The following KAT6A variants were observed in gnomAD, a reference collection of about 807,000 sequenced individuals.
KAT6A encodes the protein histone acetyltransferase KAT6A.
A neutral mutation model predicts 198.4 loss-of-function variants in KAT6A; 9 were observed. The ratio of observed to expected loss-of-function variants is 0.05; its 90% CI spans 0.03 to 0.08. The LOEUF (loss-of-function observed/expected upper bound fraction) is 0.08, where lower values mean the gene tolerates loss of function less well. Ranked by LOEUF, KAT6A falls within the 10% of genes least tolerant of loss-of-function variation. The probability of loss-of-function intolerance (pLI) is 1.00; values close to 1 mark genes in which losing one functional copy is unlikely to be tolerated. For missense variants in KAT6A, 2,077 were observed against 2,509.9 expected, an observed-to-expected ratio of 0.83 and a Z score of 3.69; for synonymous variants, 890 against 883.0, an observed-to-expected ratio of 1.01 and a Z score of -0.14.
intron 2 of KAT6A, among the ~76,000 whole-genome samples, chr8:42,002,469 G>A (rs1375770216): frequency 6.6e-6 from 1 of 152,164 alleles, no homozygotes; most frequent in Non-Finnish European, 1.5e-5. Flanking sequence ...GCTGAAGCAC[G>A]AGTATCACTT....
At chr8:42,035,267 C>A (rs1446612627) in intron 2 of KAT6A, among the ~76,000 whole-genome samples, 3 of 152,184 alleles carry the variant, frequency 2.0e-5, no homozygotes, top group Admixed American at 2.0e-4. Context: ...ATGGCAATGG[C>A]TCTTACCACT....
intron 7 of KAT6A, 40 bp from the exon 8 acceptor site, chr8:41,974,862 G>C (rs749298327): frequency 4.0e-5 from 51 of 1,263,804 alleles, no homozygotes; most frequent in Non-Finnish European, 5.1e-5. Context: ...ACTGTCCCCA[G>C]ATTAATACAT....
chr8:42,030,775 A>G (rs1026230606), intron 2 of KAT6A, among the ~76,000 whole-genome samples: 1 of 151,840 alleles, frequency 6.6e-6, no homozygotes, highest in African/African-American at 2.4e-5. Flanking sequence ...ACAGGGTTTC[A>G]CCATGTTGGT....
At chr8:41,962,633 G>C (rs1407518148) in intron 8 of KAT6A, among the ~76,000 whole-genome samples, 1 of 151,700 alleles carries the variant, frequency 6.6e-6, no homozygotes, top group African/African-American at 2.4e-5. Flanking sequence ...ACAGGAGCCA[G>C]AGAAATCCTG....
chr8:41,993,284 A>AAATT (rs1554691099), intron 2 of KAT6A, among the ~76,000 whole-genome samples: 1 of 152,218 alleles, frequency 6.6e-6, no homozygotes, highest in Non-Finnish European at 1.5e-5. Context: ...CACTTATCAA[A>AAATT]TAATCCCAGT....
At chr8:41,965,156 A>C (rs1823406219) in intron 8 of KAT6A, among the ~76,000 whole-genome samples, 1 of 152,222 alleles carries the variant, frequency 6.6e-6, no homozygotes, top group South Asian at 2.1e-4. Context: ...TAATGGAAAC[A>C]GGTACACATC....
At chr8:42,008,179 C>T (rs1482028989) in intron 2 of KAT6A, among the ~76,000 whole-genome samples, 3 of 151,976 alleles carry the variant, frequency 2.0e-5, no homozygotes, top group African/African-American at 7.3e-5. Context: ...CTGATATATA[C>T]AGAGCCAGAG....
In KAT6A at chr8:41,978,752, T is replaced by C. The variant is rs1430411337; in HGVS notation, c.933A>G (p.Arg311=). 2 of 1,613,906 alleles carry C rather than the reference T, an allele frequency of 1.2e-6. No individual in the cohort carries two copies. Among genetic ancestry groups the C allele is most frequent in the East Asian group, 4.5e-5 (2 of 44,862 alleles). ...PKGMWICQIC[R]PRKKGRKLLQ... ...GAAGTTTTCGTCCTTTTTTCCTAGGTCGACATATTTGACATATCCACATGC... is the reference window on the plus strand; with the variant it reads ...GAAGTTTTCGTCCTTTTTTCCTAGGCCGACATATTTGACATATCCACATGC... Residue 311 remains arginine, a synonymous_variant, in exon 6 of 17, where the codon CGA becomes CGG. Coordinates refer to ENST00000265713, the MANE Select transcript of KAT6A (RefSeq NM_006766.5).
intron 2 of KAT6A, among the ~76,000 whole-genome samples, chr8:42,024,901 T>TA (rs1826724317): frequency 6.6e-6 from 1 of 152,204 alleles, no homozygotes; most frequent in Non-Finnish European, 1.5e-5. Context: ...GGTGTTGCAA[T>TA]AAATATGGGG....
In KAT6A at chr8:42,049,062, G is replaced by T. The variant is rs371992984; in HGVS notation, c.-85C>A. The T allele has an allele frequency of 7.1e-7, 1 of 1,412,854 alleles. No homozygotes were observed. Among genetic ancestry groups the T allele is most frequent in the South Asian group, 1.4e-5 (1 of 72,750 alleles). The allele number at this position is 1,412,854 out of a possible 1,614,324, so 87.5% of individuals were successfully genotyped here. A position where few individuals can be genotyped will look rare whatever the true frequency, so the allele number is the denominator to read the frequency against. On this transcript the variant is annotated 5_prime_UTR_variant, in exon 2 of 17. Transcript: ENST00000265713. ...TTACACCATGGAAAACAAGATTCTC[G>T]GAGGCTGGGAACCAGTTAACCATAG...
At chr8:42,005,569 T>C (rs1564059428) in intron 2 of KAT6A, among the ~76,000 whole-genome samples, 1 of 152,194 alleles carries the variant, frequency 6.6e-6, no homozygotes, top group Non-Finnish European at 1.5e-5. Flanking sequence ...GACATTCAAC[T>C]CCTTCTGCTG....
At chr8:41,961,676 C>A (rs185274220) in intron 8 of KAT6A, among the ~76,000 whole-genome samples, 115 of 151,284 alleles carry the variant, frequency 7.6e-4, no homozygotes, top group African/African-American at 2.7e-3. Context: ...TCCCTTGAAC[C>A]CGGGACGTGG....
At chr8:42,024,466 T>C (rs543958198) in intron 2 of KAT6A, among the ~76,000 whole-genome samples, 20 of 152,260 alleles carry the variant, frequency 1.3e-4, no homozygotes, top group African/African-American at 4.6e-4. Flanking sequence ...TGAAATCTTC[T>C]AACTATTTTG....
intron 2 of KAT6A, among the ~76,000 whole-genome samples, chr8:42,014,909 TGTA>T (rs1564066348): frequency 6.6e-6 from 1 of 152,218 alleles, no homozygotes; most frequent in Non-Finnish European, 1.5e-5. Flanking sequence ...AGTTATTAAA[TGTA>T]GTTACAGGTT....
At chr8:41,952,128 C>A (rs948690735) in intron 9 of KAT6A, among the ~76,000 whole-genome samples, 2 of 152,166 alleles carry the variant, frequency 1.3e-5, no homozygotes, top group African/African-American at 4.8e-5. Flanking sequence ...TTGTATTCTT[C>A]TTCCATCAAT....
intron 2 of KAT6A, among the ~76,000 whole-genome samples, chr8:42,024,180 T>C (rs1234648561): frequency 2.0e-5 from 3 of 152,246 alleles, no homozygotes; most frequent in Non-Finnish European, 4.4e-5. Context: ...CATAATAGTA[T>C]GTGCTAAGCT....
intron 8 of KAT6A, among the ~76,000 whole-genome samples, chr8:41,965,518 G>C (rs943868457): frequency 6.6e-6 from 1 of 152,092 alleles, no homozygotes; most frequent in Non-Finnish European, 1.5e-5. Flanking sequence ...CTCTTATCTA[G>C]CCAAGATGAA....
intron 2 of KAT6A, among the ~76,000 whole-genome samples, chr8:41,990,609 G>T (rs1202802999): frequency 6.6e-6 from 1 of 152,170 alleles, no homozygotes; most frequent in African/African-American, 2.4e-5. Context: ...CAAACATAAG[G>T]AAAGATGTTC....
At chr8:41,954,053 T>C (rs771415023) in intron 9 of KAT6A, among the ~76,000 whole-genome samples, 39 of 152,306 alleles carry the variant, frequency 2.6e-4, no homozygotes, top group Admixed American at 7.8e-4. Flanking sequence ...TGGCCCTCAA[T>C]TGCTGTGTTT....
Sources: gnomAD v4.1 joint callset for allele counts (sites outside exome capture counted in the v4.1 genomes callset) on GRCh38, gnomAD v4.1.1 for gene constraint, MANE v1.5 for transcripts, NCBI Gene and HGNC (gene_info 2026-07-23, HGNC 2026-07-21) for gene names.